The following NOS1AP variants were observed in gnomAD, a reference collection of about 807,000 sequenced individuals.
NOS1AP encodes the protein nitric oxide synthase 1 adaptor protein.
NOS1AP carries 21 observed loss-of-function variants against 56.2 expected under a neutral mutation model. The observed-to-expected ratio is 0.37, with a 90% confidence interval of 0.26 to 0.54. The LOEUF is 0.54. Among genes scored for constraint, NOS1AP ranks in the 20% least tolerant of loss-of-function variants. The pLI is 0.84. For missense variants in NOS1AP, 522 were observed against 657.8 expected, an observed-to-expected ratio of 0.79 and a Z score of 2.26; for synonymous variants, 270 against 274.6, an observed-to-expected ratio of 0.98 and a Z score of 0.17.
chr1:162,358,559 GA>G (rs931318331), intron 8 of NOS1AP, among the ~76,000 whole-genome samples: 10 of 151,790 alleles, frequency 6.6e-5, no homozygotes, highest in African/African-American at 2.2e-4. Context: ...TATATTTGGA[GA>G]AAAAAAATCA....
intron 8 of NOS1AP, chr1:162,360,947 G>A: frequency 2.2e-6 from 1 of 456,678 alleles, no homozygotes; most frequent in Admixed American, 2.3e-5. Context: ...GAGAGTGAGG[G>A]CGCCAATGGT....
chr1:162,158,121 A>G (rs1362828818), intron 2 of NOS1AP, among the ~76,000 whole-genome samples: 4 of 152,330 alleles, frequency 2.6e-5, no homozygotes, highest in Admixed American at 6.5e-5. Context: ...ATCTTGCAAA[A>G]TGGACACTCT....
chr1:162,283,075 T>G (rs1654981953), intron 2 of NOS1AP, among the ~76,000 whole-genome samples: 1 of 147,050 alleles, frequency 6.8e-6, no homozygotes, highest in Non-Finnish European at 1.5e-5. Context: ...TCTCTCTTTA[T>G]TGCTTGCTCG....
intron 3 of NOS1AP, among the ~76,000 whole-genome samples, chr1:162,294,199 G>GGAAA (rs1655369740): frequency 6.8e-6 from 1 of 146,250 alleles, no homozygotes; most frequent in Non-Finnish European, 1.5e-5. Flanking sequence ...AAGGAAGTAA[G>GGAAA]GAAGGAAGGA....
chr1:162,162,865 T>G (rs1255422948), intron 2 of NOS1AP, among the ~76,000 whole-genome samples: 3 of 152,154 alleles, frequency 2.0e-5, no homozygotes, highest in Non-Finnish European at 2.9e-5. Context: ...TTTAGTATAT[T>G]CTTAATGTTG....
chr1:162,310,155 C>T lies in NOS1AP; in HGVS notation c.344+9449C>T, dbSNP rs561816467. Among the ~76,000 whole-genome samples, 12 of 152,294 alleles carry T rather than the reference C, an allele frequency of 7.9e-5. No homozygotes were observed. In the South Asian group the frequency reaches 8.3e-4, roughly 11 times the overall value. On this transcript the variant is annotated intron_variant, in intron 4 of 9. Coordinates refer to ENST00000361897, the MANE Select transcript of NOS1AP (RefSeq NM_014697.3). ...CAACTCAAATCCCGGAATGCATTCC[C>T]TTTTCTCCATTCCCGTTAGACTCTG... is the stretch of plus-strand genomic sequence containing the variant.
chr1:162,265,792 A>T (rs1405658214), intron 2 of NOS1AP, among the ~76,000 whole-genome samples: 1 of 152,214 alleles, frequency 6.6e-6, no homozygotes, highest in African/African-American at 2.4e-5. Flanking sequence ...TGTTAGGCTC[A>T]GCTGTGAGGA....
chr1:162,203,390 A>C (rs1652055947), intron 2 of NOS1AP, among the ~76,000 whole-genome samples: 1 of 152,192 alleles, frequency 6.6e-6, no homozygotes, highest in South Asian at 2.1e-4. Flanking sequence ...GCATTGGCCA[A>C]AGCAGAGCTG....
intron 1 of NOS1AP, among the ~76,000 whole-genome samples, chr1:162,131,180 G>T (rs1268576889): frequency 2.0e-5 from 3 of 152,054 alleles, no homozygotes. Flanking sequence ...TCTGTGCTAG[G>T]TGCTAGGTTT....
At chr1:162,264,467 TCCCCTCCCCTCCCCTCCCCTCTCCTCC>T (rs1557855353) in intron 2 of NOS1AP, among the ~76,000 whole-genome samples, 34 of 37,204 alleles carry the variant, frequency 9.1e-4, no homozygotes, top group African/African-American at 2.3e-3. Flanking sequence ...TCTCTTCTCC[TCCCCTCCCCTCCCCTCCCCTCTCCTCC>T]TCTCCTCTCC....
chr1:162,073,388 G>C (rs74448111), intron 1 of NOS1AP, among the ~76,000 whole-genome samples: 2,805 of 152,302 alleles, frequency 0.018, 104 homozygotes, highest in African/African-American at 0.065. Context: ...TTGAGTCACA[G>C]CTCTCTAGTG....
chr1:162,222,107 C>G (rs925055891), intron 2 of NOS1AP, among the ~76,000 whole-genome samples: 5 of 152,102 alleles, frequency 3.3e-5, no homozygotes, highest in African/African-American at 1.2e-4. Flanking sequence ...AGTTCTTATT[C>G]CTAGCTGTGG....
At chr1:162,225,770 A>G (rs1017074892) in intron 2 of NOS1AP, among the ~76,000 whole-genome samples, 2 of 152,158 alleles carry the variant, frequency 1.3e-5, no homozygotes, top group Admixed American at 1.3e-4. Flanking sequence ...AAGTCCTCCC[A>G]TGTTCTCTGC....
At chr1:162,334,985 A>G (rs1282256751) in intron 5 of NOS1AP, among the ~76,000 whole-genome samples, 1 of 152,104 alleles carries the variant, frequency 6.6e-6, no homozygotes, top group Non-Finnish European at 1.5e-5. Flanking sequence ...CAGATCTAAC[A>G]TAGCAATACG....
intron 2 of NOS1AP, among the ~76,000 whole-genome samples, chr1:162,212,835 G>A (rs547933215): frequency 1.3e-5 from 2 of 149,576 alleles, no homozygotes; most frequent in South Asian, 4.4e-4. Context: ...AACTTTGGCT[G>A]CTGCCGTGTA....
intron 4 of NOS1AP, among the ~76,000 whole-genome samples, chr1:162,309,856 ATG>A (rs1393196577): frequency 6.6e-6 from 1 of 152,224 alleles, no homozygotes; most frequent in Non-Finnish European, 1.5e-5. Flanking sequence ...TTTTTAAAGT[ATG>A]TGTAATTTTA....
intron 2 of NOS1AP, among the ~76,000 whole-genome samples, chr1:162,209,088 G>T (rs1652257852): frequency 6.6e-6 from 1 of 152,196 alleles, no homozygotes; most frequent in Admixed American, 6.5e-5. Context: ...TTGATTAAAA[G>T]AATAAGCTTA....
intron 2 of NOS1AP, among the ~76,000 whole-genome samples, chr1:162,271,145 G>A (rs1398092068): frequency 6.6e-6 from 1 of 152,058 alleles, no homozygotes; most frequent in Non-Finnish European, 1.5e-5. Flanking sequence ...CGTGGGGGGT[G>A]TGCGTGCAGT....
intron 2 of NOS1AP, among the ~76,000 whole-genome samples, chr1:162,280,842 A>G (rs4370746): frequency 0.18 from 28,058 of 152,110 alleles, 2,919 homozygotes; most frequent in East Asian, 0.43. Context: ...GACTCCTCAT[A>G]GATATTCTGG....
Sources: allele counts gnomAD v4.1 joint callset (sites outside exome capture counted in the v4.1 genomes callset), GRCh38; gene constraint gnomAD v4.1.1; transcripts MANE v1.5; gene names NCBI Gene and HGNC (gene_info 2026-07-23, HGNC 2026-07-21).